The following LAMP3 variants were observed in gnomAD, a reference collection of about 807,000 sequenced individuals.
LAMP3 encodes lysosome associated membrane protein 3, also known as lysosome-associated membrane glycoprotein 3.
Under a neutral mutation model 34.8 loss-of-function variants are expected in LAMP3, and 26 were observed. The ratio of observed to expected loss-of-function variants is 0.75; its 90% CI spans 0.55 to 1.04. The LOEUF (loss-of-function observed/expected upper bound fraction) is 1.04, where lower values mean the gene tolerates loss of function less well. Among genes scored for constraint, LAMP3 ranks in the 50% least tolerant of loss-of-function variants. The pLI, the probability that LAMP3 is intolerant of heterozygous loss-of-function variation, is 0.00. For missense variants in LAMP3, 495 were observed against 524.0 expected, an observed-to-expected ratio of 0.94 and a Z score of 0.54; for synonymous variants, 180 against 201.9, an observed-to-expected ratio of 0.89 and a Z score of 0.92.
chr3:183,145,544 A>G (rs1720413648), intron 3 of LAMP3, among the ~76,000 whole-genome samples: 1 of 152,194 alleles, frequency 6.6e-6, no homozygotes, highest in African/African-American at 2.4e-5. Flanking sequence ...TGTCATTGGT[A>G]GTATTTCAAT....
At chr3:183,130,269 C>T (rs1330783233) in intron 5 of LAMP3, among the ~76,000 whole-genome samples, 2 of 149,310 alleles carry the variant, frequency 1.3e-5, no homozygotes, top group African/African-American at 4.9e-5. Flanking sequence ...CGCCATTCTC[C>T]TGCCTCAGCC....
chr3:183,163,465 A>G (rs1721044248), upstream of LAMP3, among the ~76,000 whole-genome samples: 4 of 132,574 alleles, frequency 3.0e-5, no homozygotes, highest in South Asian at 9.5e-4. Flanking sequence ...TAATTTTTGT[A>G]TTTTAGTAGA....
chr3:183,131,278 T>A (rs1719910646), intron 5 of LAMP3, among the ~76,000 whole-genome samples: 1 of 152,216 alleles, frequency 6.6e-6, no homozygotes, highest in Non-Finnish European at 1.5e-5. Flanking sequence ...AATTTCCACA[T>A]GCTAGAAGGT....
At chr3:183,145,285 A>T (rs1287084264) in intron 3 of LAMP3, among the ~76,000 whole-genome samples, 1 of 152,134 alleles carries the variant, frequency 6.6e-6, no homozygotes, top group Non-Finnish European at 1.5e-5. Flanking sequence ...TGCGGGAAAA[A>T]AAGAAAGGAA....
In LAMP3 at chr3:183,135,894, A is replaced by T. The variant is rs375918441; in HGVS notation, c.947-7T>A. The T allele has an allele frequency of 1.2e-6, 2 of 1,610,456 alleles. No homozygotes were observed. The highest frequency in any genetic ancestry group is 2.7e-5 in the African/African-American group (2 of 74,878). ...ATTCCTTGGTAAATTGTCTCTGAAA[A>T]GGTGACAGATAGATGCATAAGAGTC... On this transcript the variant is annotated splice_region_variant and splice_polypyrimidine_tract_variant and intron_variant, in intron 4 of 5. Coordinates refer to ENST00000265598, the MANE Select transcript of LAMP3 (RefSeq NM_014398.4).
intron 4 of LAMP3, among the ~76,000 whole-genome samples, chr3:183,139,662 T>G (rs1720213661): frequency 6.6e-6 from 1 of 152,160 alleles, no homozygotes; most frequent in South Asian, 2.1e-4. Flanking sequence ...GCATGTGAGC[T>G]CTCTCTCTCA....
rs570829914 is a variant in LAMP3 at position 183,141,783 on chromosome 3, G to A, written c.889-1188C>T. ...CTACCACACAATAGCTTCTTACCCC[G>A]TGTTAGGCACTGTCGCAGGCACTTC... On this transcript the variant is annotated intron_variant, in intron 3 of 5. Transcript: ENST00000265598. Among the ~76,000 whole-genome samples the A allele has an allele frequency of 2.7e-4, 41 of 152,252 alleles. 1 individual carries two copies. Among genetic ancestry groups the A allele is most frequent in the African/African-American group, 8.4e-4 (35 of 41,534 alleles).
At chr3:183,135,424 T>C (rs3736551) in intron 5 of LAMP3, among the ~76,000 whole-genome samples, 110,312 of 152,148 alleles carry the variant, frequency 0.73, 42,443 homozygotes, top group Non-Finnish European at 0.87. Context: ...TAAAGGGAAG[T>C]CGCAGGTGGT....
At chr3:183,125,956 C>A (rs189261321) in intron 5 of LAMP3, among the ~76,000 whole-genome samples, 1 of 152,208 alleles carries the variant, frequency 6.6e-6, no homozygotes, top group East Asian at 1.9e-4. Context: ...GCGTGAGCCA[C>A]CACACTTGGC....
chr3:183,156,285 C>A (rs1004161353), intron 1 of LAMP3, among the ~76,000 whole-genome samples: 1 of 152,086 alleles, frequency 6.6e-6, no homozygotes, highest in Non-Finnish European at 1.5e-5. Flanking sequence ...AGCTTGAACC[C>A]GGGAGGCTGA....
chr3:183,138,694 G>A (rs1212065562), intron 4 of LAMP3, among the ~76,000 whole-genome samples: 1 of 152,072 alleles, frequency 6.6e-6, no homozygotes, highest in Non-Finnish European at 1.5e-5. Context: ...GTAAATCTGA[G>A]GTATCATTTT....
intron 4 of LAMP3, among the ~76,000 whole-genome samples, chr3:183,137,124 C>T (rs598252): frequency 0.62 from 94,272 of 151,824 alleles, 31,061 homozygotes; most frequent in Non-Finnish European, 0.74. Flanking sequence ...TTGAGACCAG[C>T]CTGGCCAATG....
intron 3 of LAMP3, among the ~76,000 whole-genome samples, chr3:183,148,811 C>T (rs914806917): frequency 2.0e-5 from 3 of 152,162 alleles, no homozygotes; most frequent in Admixed American, 6.5e-5. Context: ...AAAACAGAGC[C>T]ACCATATGAT....
At chr3:183,134,195 C>T (rs1021594195) in intron 5 of LAMP3, among the ~76,000 whole-genome samples, 4 of 152,060 alleles carry the variant, frequency 2.6e-5, no homozygotes, top group Admixed American at 1.3e-4. Flanking sequence ...ACAAGGGGAA[C>T]ATTTTGGAAG....
intron 3 of LAMP3, among the ~76,000 whole-genome samples, chr3:183,147,349 C>T (rs570803050): frequency 3.0e-4 from 45 of 152,266 alleles, no homozygotes; most frequent in Admixed American, 7.9e-4. Context: ...TGATAATCCC[C>T]GGGGCTAGAC....
At chr3:183,157,247 G>A (rs1421326066) in intron 1 of LAMP3, among the ~76,000 whole-genome samples, 5 of 151,842 alleles carry the variant, frequency 3.3e-5, no homozygotes, top group East Asian at 1.9e-4. Context: ...TTTTTAAATC[G>A]AAAATATCCA....
intron 1 of LAMP3, 134 bp from the exon 2 acceptor site, chr3:183,154,525 G>A (rs991015958): frequency 4.4e-6 from 3 of 674,850 alleles, no homozygotes; most frequent in Admixed American, 2.9e-5. Context: ...AAATTTGCAA[G>A]GGTACAACAA....
intron 1 of LAMP3, among the ~76,000 whole-genome samples, chr3:183,157,627 T>G (rs1560317082): frequency 6.6e-6 from 1 of 152,154 alleles, no homozygotes; most frequent in Non-Finnish European, 1.5e-5. Flanking sequence ...TTGCCAGTTG[T>G]TCTCTTGGGG....
At chr3:183,161,590 C>G (rs7619018) in intron 1 of LAMP3, among the ~76,000 whole-genome samples, 2 of 151,808 alleles carry the variant, frequency 1.3e-5, no homozygotes, top group African/African-American at 4.8e-5. Flanking sequence ...GGGGTTTCAC[C>G]GGTGGCCAGG....
Sources: allele counts gnomAD v4.1 joint callset (sites outside exome capture counted in the v4.1 genomes callset), GRCh38; gene constraint gnomAD v4.1.1; transcripts MANE v1.5; gene names NCBI Gene and HGNC (gene_info 2026-07-23, HGNC 2026-07-21).